SLC9C2: variants seen among roughly 807,000 people sequenced by gnomAD.
SLC9C2 encodes sodium/hydrogen exchanger 11.
Under a neutral mutation model 140.2 loss-of-function variants are expected in SLC9C2, and 75 were observed. The observed-to-expected ratio is 0.53, with a 90% confidence interval of 0.44 to 0.65. SLC9C2 has a LOEUF of 0.65. Among genes scored for constraint, SLC9C2 ranks in the 30% least tolerant of loss-of-function variants. SLC9C2 has a pLI of 0.00. For synonymous variants in SLC9C2, 375 were observed against 420.9 expected, an observed-to-expected ratio of 0.89 and a Z score of 1.34; for missense variants, 1,074 against 1,331.8, an observed-to-expected ratio of 0.81 and a Z score of 3.01.
At chr1:173,576,018 T>C (rs971053776) in intron 8 of SLC9C2, among the ~76,000 whole-genome samples, 7 of 152,202 alleles carry the variant, frequency 4.6e-5, no homozygotes, top group African/African-American at 1.2e-4. Flanking sequence ...TTATATTAAA[T>C]AAATTAATTT....
At position 173,548,379 on chromosome 1, in the gene SLC9C2, A is replaced by G; in HGVS notation, c.1461+10T>C. 6.2e-7 allele frequency: 1 copy of G among 1,607,226 alleles called. No individual in the cohort carries two copies. Among genetic ancestry groups the G allele is most frequent in the Non-Finnish European group, 8.5e-7 (1 of 1,177,484 alleles). ...AAAGGAAAACTACTTTTTGCCAGGTATCAACTCACAGGAATGTATTCGATC... is the reference window on the plus strand; with the variant it reads ...AAAGGAAAACTACTTTTTGCCAGGTGTCAACTCACAGGAATGTATTCGATC... On this transcript the variant is annotated intron_variant, in intron 12 of 27. Coordinates refer to ENST00000367714, the MANE Select transcript of SLC9C2 (RefSeq NM_178527.4).
intron 11 of SLC9C2, among the ~76,000 whole-genome samples, chr1:173,553,737 C>T (rs528720368): frequency 2.7e-4 from 41 of 152,150 alleles, no homozygotes; most frequent in Non-Finnish European, 5.3e-4. Context: ...GTATGACTTG[C>T]TTTATTGTGA....
At chr1:173,530,459 C>CTT (rs1314275059) in intron 17 of SLC9C2, among the ~76,000 whole-genome samples, 1 of 152,192 alleles carries the variant, frequency 6.6e-6, no homozygotes, top group Non-Finnish European at 1.5e-5. Flanking sequence ...AATCGTCTCT[C>CTT]TGTGCCTCAG....
chr1:173,535,698 C>T, intron 15 of SLC9C2, 132 bp downstream of exon 15: 3 of 1,096,348 alleles, frequency 2.7e-6, no homozygotes, highest in Non-Finnish European at 3.7e-6. Context: ...GAGAAGCAAG[C>T]ACCACCCAAT....
intron 17 of SLC9C2, among the ~76,000 whole-genome samples, chr1:173,532,535 C>T (rs1453357766): frequency 6.6e-6 from 1 of 152,148 alleles, no homozygotes; most frequent in East Asian, 1.9e-4. Context: ...AAATTAAATT[C>T]CATAGGTAGT....
chr1:173,544,158 A>T (rs1303633663), intron 13 of SLC9C2, among the ~76,000 whole-genome samples: 1 of 152,244 alleles, frequency 6.6e-6, no homozygotes, highest in Non-Finnish European at 1.5e-5. Context: ...ACAAATTTAC[A>T]AGAAAAAAAT....
intron 9 of SLC9C2, among the ~76,000 whole-genome samples, chr1:173,565,046 C>A (rs1171745005): frequency 6.8e-6 from 1 of 147,894 alleles, no homozygotes; most frequent in African/African-American, 2.5e-5. Flanking sequence ...CAGCTCACTG[C>A]AACCTCTGCC....
intron 7 of SLC9C2, among the ~76,000 whole-genome samples, chr1:173,577,232 A>G (rs1184112370): frequency 6.6e-6 from 1 of 152,220 alleles, no homozygotes; most frequent in Non-Finnish European, 1.5e-5. Flanking sequence ...GGATAGGGCT[A>G]ATGGAAAATA....
At position 173,510,589 on chromosome 1, in the gene SLC9C2, G is replaced by C. The variant is rs144953305; in HGVS notation, c.2908-890C>G. On this transcript the variant is annotated intron_variant, in intron 23 of 27. Coordinates refer to ENST00000367714, the MANE Select transcript of SLC9C2 (RefSeq NM_178527.4). The stretch of plus-strand genomic sequence containing the variant: ...TTATGAGTGAGAACATGCAGTGTTT[G>C]GTTTTCTGTTCCTGTGTAAGTTTGC... Among the ~76,000 whole-genome samples, 880 of 152,230 alleles carry C rather than the reference G, an allele frequency of 5.8e-3. 4 individuals are homozygous for C. Among genetic ancestry groups the C allele is most frequent in the South Asian group, 0.012 (57 of 4,828 alleles).
At chr1:173,544,090 T>A (rs962854196) in intron 13 of SLC9C2, among the ~76,000 whole-genome samples, 1 of 152,056 alleles carries the variant, frequency 6.6e-6, no homozygotes, top group Non-Finnish European at 1.5e-5. Context: ...TGGGAGAAAG[T>A]TTTTGCAATC....
At chr1:173,509,525 G>C in intron 24 of SLC9C2, 43 bp downstream of exon 24, 1 of 1,423,110 alleles carries the variant, frequency 7.0e-7, no homozygotes, top group Non-Finnish European at 9.3e-7. Flanking sequence ...AAAATACAAT[G>C]CATAAAAATT....
chr1:173,547,628 T>G, intron 13 of SLC9C2, 61 bp downstream of exon 13: 1 of 1,270,376 alleles, frequency 7.9e-7, no homozygotes, highest in Non-Finnish European at 1.1e-6. Context: ...GAAAATCATA[T>G]GCAAGGATCA....
intron 10 of SLC9C2, among the ~76,000 whole-genome samples, chr1:173,555,946 C>T (rs1422374683): frequency 4.6e-5 from 7 of 152,118 alleles, no homozygotes; most frequent in Non-Finnish European, 2.9e-5. Context: ...TCAATAGTTG[C>T]TCCCAAAAAG....
rs994578907 is a variant in SLC9C2 at position 173,524,915 on chromosome 1, T to A, written c.2378A>T (p.His793Leu). Residue 793 changes from histidine to leucine, a missense_variant, in exon 20 of 28, where the codon CAT becomes CTT. Transcript: ENST00000367714. ...AGCAATGACAACATCACGACCCTCA[T>A]GCTCCATGAGTACTACAGCAAAGAA... is the stretch of plus-strand genomic sequence containing the variant. ...DAVKELVLME[H>L]EGRDVVIALK... The A allele has an allele frequency of 6.2e-7, 1 of 1,614,094 alleles. No homozygotes were observed. Among genetic ancestry groups the A allele is most frequent in the Non-Finnish European group, 8.5e-7 (1 of 1,179,950 alleles).
intron 9 of SLC9C2, among the ~76,000 whole-genome samples, chr1:173,566,342 C>G (rs943811413): frequency 6.6e-6 from 1 of 151,996 alleles, no homozygotes; most frequent in Non-Finnish European, 1.5e-5. Context: ...CTTTTTATTA[C>G]AGTTTTGATC....
In SLC9C2 at chr1:173,576,685, G is replaced by A. The variant is rs540891244; in HGVS notation, c.878C>T (p.Pro293Leu). The A allele has an allele frequency of 4.3e-6, 7 of 1,611,064 alleles. No individual in the cohort carries two copies. Among genetic ancestry groups the A allele is most frequent in the South Asian group, 1.1e-5 (1 of 90,250 alleles). ...GLNLDSLTFK[P>L]KIELVITKFL... The stretch of plus-strand genomic sequence containing the variant: ...CTTAGTAATTACAAGTTCGATCTTC[G>A]GTTTAAAAGTTAAAGAATCTAAATT... Residue 293 changes from proline (P) to leucine (L), a missense_variant, in exon 8 of 28, where the codon CCG becomes CTG. Pro to Leu is a moderately conservative substitution (Grantham distance 98). Coordinates refer to ENST00000367714, the MANE Select transcript of SLC9C2 (RefSeq NM_178527.4).
At chr1:173,543,124 C>A (rs201870795) in intron 13 of SLC9C2, among the ~76,000 whole-genome samples, 1 of 152,080 alleles carries the variant, frequency 6.6e-6, no homozygotes, top group Non-Finnish European at 1.5e-5. Context: ...TGTCTCACCC[C>A]AAATCTCCTT....
intron 5 of SLC9C2, 57 bp from the exon 6 acceptor site, chr1:173,583,679 C>A: frequency 3.4e-6 from 3 of 885,828 alleles, no homozygotes; most frequent in South Asian, 2.1e-5. Context: ...AATGTTCTTG[C>A]ACAGGAAGCA....
rs1418018257 is a variant in SLC9C2, at chr1:173,534,606, A to G, written c.1852T>C (p.Leu618=). 3 of 1,585,786 alleles carry G rather than the reference A, an allele frequency of 1.9e-6. No homozygotes were observed. The highest frequency in any genetic ancestry group is 1.8e-5 in the Admixed American group (1 of 54,958). ...ATTATCATAGGATAAATATATATCAAATTTATAATCTGTCCTGTATATTCA... is the reference window on the plus strand; with the variant it reads ...ATTATCATAGGATAAATATATATCAGATTTATAATCTGTCCTGTATATTCA... The part of the protein sequence containing the change: ...EFEYTGQIIN[L]IYIYPMIIHL... The change falls in exon 16 of 28, where the codon TTG becomes CTG. Residue 618 remains leucine, a synonymous_variant. Transcript: ENST00000367714.
Sources: allele counts gnomAD v4.1 joint callset (sites outside exome capture counted in the v4.1 genomes callset), GRCh38; gene constraint gnomAD v4.1.1; transcripts MANE v1.5; gene names NCBI Gene and HGNC (gene_info 2026-07-23, HGNC 2026-07-21).